DOCK5: variants seen among roughly 807,000 people sequenced by gnomAD.
DOCK5 encodes dedicator of cytokinesis protein 5.
A neutral mutation model predicts 251.8 loss-of-function variants in DOCK5; 142 were observed. The ratio of observed to expected loss-of-function variants is 0.56; its 90% CI spans 0.49 to 0.65. The LOEUF (loss-of-function observed/expected upper bound fraction) is 0.65, where lower values mean the gene tolerates loss of function less well. DOCK5 is among the 30% of genes least tolerant of loss of function. The pLI, the probability that DOCK5 is intolerant of heterozygous loss-of-function variation, is 0.00. For missense variants in DOCK5, 2,111 were observed against 2,312.3 expected (o/e 0.91, Z 1.79); for synonymous variants, 842 against 835.5 (o/e 1.01, Z -0.13).
intron 40 of DOCK5, among the ~76,000 whole-genome samples, chr8:25,385,853 T>A (rs1801156390): frequency 6.6e-6 from 1 of 152,010 alleles, no homozygotes; most frequent in African/African-American, 2.4e-5. Context: ...CAATTTTAAA[T>A]ACAGTAAACA....
At position 25,403,713 on chromosome 8, in the gene DOCK5, G is replaced by T; in HGVS notation, c.5082G>T (p.Pro1694=). 1 of 1,613,772 alleles carries T rather than the reference G, an allele frequency of 6.2e-7. No homozygotes were observed. The highest frequency in any genetic ancestry group is 8.5e-7 in the Non-Finnish European group (1 of 1,179,774). ...SNSSDNAPSR[P]GSDGSILEPL... is the part of the protein sequence containing the mutation. ...CGTCTGACAATGCTCCTTCCAGACC[G>T]GGATCTGATGGGTAAGGGTTTCATC... is the stretch of plus-strand genomic sequence containing the variant. Residue 1694 remains proline (P), a synonymous_variant, in exon 48 of 52, where the codon CCG becomes CCT. Coordinates refer to ENST00000276440, the MANE Select transcript of DOCK5 (RefSeq NM_024940.8).
intron 2 of DOCK5, 89 bp downstream of exon 2, chr8:25,243,846 A>G (rs1803024910): frequency 5.8e-6 from 7 of 1,214,812 alleles, no homozygotes; most frequent in Non-Finnish European, 8.2e-6. Flanking sequence ...AAACATCAAC[A>G]TGCTTGACTT....
chr8:25,197,871 C>T (rs1040320315), intron 1 of DOCK5, among the ~76,000 whole-genome samples: 23 of 152,034 alleles, frequency 1.5e-4, no homozygotes, highest in Non-Finnish European at 3.1e-4. Flanking sequence ...CTGCCTCAGC[C>T]TCCTGAGCAG....
chr8:25,312,262 TACA>T (rs1179278029), intron 13 of DOCK5, among the ~76,000 whole-genome samples: 2 of 152,344 alleles, frequency 1.3e-5, no homozygotes, highest in South Asian at 2.1e-4. Flanking sequence ...GTTTTACTAC[TACA>T]ACAAGACACA....
At position 25,323,812 on chromosome 8, in the gene DOCK5, TCTGCA is replaced by T. The variant is rs1331739502; in HGVS notation, c.1616-31_1616-27del. 5.6e-6 allele frequency: 9 copies of T among 1,599,634 alleles called. No homozygotes were observed. In the Admixed American group the frequency reaches 8.7e-5, roughly 15 times the overall value. Reference sequence around the variant, plus strand: ...CATAGCCATCGCCTCCTGGTGTCTCTCTGCACTGCTCAGACATGTCTTTCTGCCTT... The same window carrying T: ...CATAGCCATCGCCTCCTGGTGTCTCTCTGCTCAGACATGTCTTTCTGCCTT... On this transcript the variant is annotated intron_variant, in intron 16 of 51. Coordinates refer to ENST00000276440, the MANE Select transcript of DOCK5 (RefSeq NM_024940.8).
At chr8:25,251,136 C>T (rs546772866) in intron 2 of DOCK5, among the ~76,000 whole-genome samples, 3 of 152,234 alleles carry the variant, frequency 2.0e-5, no homozygotes, top group East Asian at 3.9e-4. Flanking sequence ...TCATATCCAT[C>T]GATTAACTCT....
At position 25,414,139 on chromosome 8, in the gene DOCK5, A is replaced by G. The variant is rs1283279476; in HGVS notation, c.*2841A>G. 6.6e-6 allele frequency: 1 copy of G among 152,038 alleles called. No homozygotes were observed. The highest frequency in any genetic ancestry group is 1.9e-4 in the East Asian group (1 of 5,190). The allele number at this position is 152,038 out of a possible 1,614,324, so 9.4% of individuals were successfully genotyped here. ...TTTATTTCCTCTCTTTCTTTGTTCT[A>G]GTGACTTGTCTTGCTTTAAGATTTT... is the stretch of plus-strand genomic sequence containing the variant. On this transcript the variant is annotated 3_prime_UTR_variant, in exon 52 of 52. Transcript: ENST00000276440.
At position 25,383,189 on chromosome 8, in the gene DOCK5, C is replaced by T. The variant is rs545921628; in HGVS notation, c.4131+411C>T. ...AAACATTTTATTATAATAATAATGA[C>T]AAGGATGGTATTTTTCTTCCATCTC... On this transcript the variant is annotated intron_variant, in intron 40 of 51. Transcript: ENST00000276440. Among the ~76,000 whole-genome samples, 7 of 152,214 alleles carry T rather than the reference C, an allele frequency of 4.6e-5. No homozygotes were observed. The South Asian group carries it at 1.5e-3, about 32-fold the overall frequency.
At chr8:25,331,341 C>T (rs1415260605) in intron 18 of DOCK5, among the ~76,000 whole-genome samples, 1 of 152,000 alleles carries the variant, frequency 6.6e-6, no homozygotes, top group East Asian at 1.9e-4. Flanking sequence ...TTCCTGAGCT[C>T]AAGTAATCCT....
At position 25,204,029 on chromosome 8, in the gene DOCK5, A is replaced by G. The variant is rs114730769; in HGVS notation, c.43+19078A>G. ...TTGCTTTTATCAGCAGCCTTGAGTG[A>G]CAGGATTTTATACTTTTGGAAGATT... is the stretch of plus-strand genomic sequence containing the variant. On this transcript the variant is annotated intron_variant, in intron 1 of 51. Coordinates refer to ENST00000276440, the MANE Select transcript of DOCK5 (RefSeq NM_024940.8). Among the ~76,000 whole-genome samples the G allele has an allele frequency of 3.9e-3, 597 of 152,290 alleles. 6 individuals carry two copies. Among genetic ancestry groups the G allele is most frequent in the African/African-American group, 0.013 (553 of 41,562 alleles).
rs1467769756 is a variant in DOCK5 at position 25,372,881 on chromosome 8, G to A, written c.3684+163G>A. ...ATTGGAATGGCTGGCTCAGCTCACAGGTATCAGCAGCCACAGACCCTGAGG... is the reference window on the plus strand; with the variant it reads ...ATTGGAATGGCTGGCTCAGCTCACAAGTATCAGCAGCCACAGACCCTGAGG... On this transcript the variant is annotated intron_variant, in intron 35 of 51. Transcript: ENST00000276440. Among the ~76,000 whole-genome samples, 6 of 152,280 alleles carry A rather than the reference G, an allele frequency of 3.9e-5. No individual in the cohort carries two copies. The South Asian group carries it at 6.2e-4, about 16-fold the overall frequency.
chr8:25,195,283 G>T (rs1278377787), intron 1 of DOCK5, among the ~76,000 whole-genome samples: 1 of 134,580 alleles, frequency 7.4e-6, no homozygotes, highest in Non-Finnish European at 1.5e-5. Flanking sequence ...TTTAAGATGG[G>T]CATCTTGCTT....
intron 45 of DOCK5, among the ~76,000 whole-genome samples, chr8:25,398,993 C>G (rs770869532): frequency 6.6e-6 from 1 of 152,078 alleles, no homozygotes; most frequent in Non-Finnish European, 1.5e-5. Context: ...GTTCCAGGAG[C>G]TCTTGGTTTT....
chr8:25,186,498 C>G (rs1202096688), intron 1 of DOCK5, among the ~76,000 whole-genome samples: 1 of 152,072 alleles, frequency 6.6e-6, no homozygotes, highest in African/African-American at 2.4e-5. Flanking sequence ...CTCAGCCCCC[C>G]TCCCCGAGTA....
At chr8:25,404,285 T>G (rs1197633589) in intron 48 of DOCK5, among the ~76,000 whole-genome samples, 1 of 152,228 alleles carries the variant, frequency 6.6e-6, no homozygotes, top group African/African-American at 2.4e-5. Flanking sequence ...TATTATATCT[T>G]GAAACTCTTT....
chr8:25,269,244 A>G (rs1020003629), intron 3 of DOCK5, among the ~76,000 whole-genome samples: 10 of 152,256 alleles, frequency 6.6e-5, no homozygotes, highest in Middle Eastern at 3.4e-3. Flanking sequence ...CAATGCTACA[A>G]TTCCAAACTA....
chr8:25,307,136 T>A (rs1015250870), intron 11 of DOCK5, among the ~76,000 whole-genome samples: 7 of 152,050 alleles, frequency 4.6e-5, no homozygotes, highest in Admixed American at 4.6e-4. Flanking sequence ...TTTTTTTTTT[T>A]GAGACGGAGA....
chr8:25,310,579 A>T (rs771562294), intron 13 of DOCK5, 47 bp downstream of exon 13: 1 of 1,536,436 alleles, frequency 6.5e-7, no homozygotes, highest in Non-Finnish European at 8.8e-7. Flanking sequence ...CTGTTCAGCG[A>T]TTATTTCTTA....
At chr8:25,313,405 AT>A (rs1805153061) in intron 13 of DOCK5, among the ~76,000 whole-genome samples, 2 of 152,040 alleles carry the variant, frequency 1.3e-5, no homozygotes, top group African/African-American at 4.8e-5. Flanking sequence ...AGCATCTGAC[AT>A]TGTTGAAATA....
Sources: allele counts gnomAD v4.1 joint callset (sites outside exome capture counted in the v4.1 genomes callset), GRCh38; gene constraint gnomAD v4.1.1; transcripts MANE v1.5; gene names NCBI Gene and HGNC (gene_info 2026-07-23, HGNC 2026-07-21).